Variants in ZC3H4 observed in about 807,000 individuals in gnomAD.
ZC3H4 encodes zinc finger CCCH-type containing 4.
Under a neutral mutation model 108.3 loss-of-function variants are expected in ZC3H4, and 13 were observed. The ratio of observed to expected loss-of-function variants is 0.12; its 90% CI spans 0.08 to 0.19. The LOEUF (loss-of-function observed/expected upper bound fraction) is 0.19. ZC3H4 is among the 10% of genes least tolerant of loss of function. The pLI, the probability that ZC3H4 is intolerant of heterozygous loss-of-function variation, is 1.00. For synonymous variants in ZC3H4, 917 were observed against 749.6 expected, an observed-to-expected ratio of 1.22 and a Z score of -3.65; for missense variants, 1,734 against 1,838.8, an observed-to-expected ratio of 0.94 and a Z score of 1.04.
chr19:47,098,240 A>C (rs977751526), intron 2 of ZC3H4, among the ~76,000 whole-genome samples: 42 of 152,244 alleles, frequency 2.8e-4, no homozygotes, highest in African/African-American at 9.9e-4. Flanking sequence ...GTGGTGGCTC[A>C]TGCCTTCGGG....
At chr19:47,074,602 A>G (rs2057385543) in intron 11 of ZC3H4, among the ~76,000 whole-genome samples, 1 of 152,224 alleles carries the variant, frequency 6.6e-6, no homozygotes, top group African/African-American at 2.4e-5. Flanking sequence ...GTCCAGTAAG[A>G]GGGGCTCACT....
chr19:47,070,774 G>A (rs536733625), intron 13 of ZC3H4, among the ~76,000 whole-genome samples: 32 of 152,186 alleles, frequency 2.1e-4, no homozygotes, highest in African/African-American at 4.6e-4. Context: ...CATGGCCGTC[G>A]GAGGGGCAGG....
intron 2 of ZC3H4, among the ~76,000 whole-genome samples, chr19:47,104,606 C>G (rs1025236541): frequency 6.6e-6 from 1 of 152,214 alleles, no homozygotes; most frequent in Non-Finnish European, 1.5e-5. Flanking sequence ...AACTTTGACA[C>G]AAACTCATTC....
chr19:47,070,295 TA>T (rs1281640245), intron 13 of ZC3H4, among the ~76,000 whole-genome samples: 1 of 152,162 alleles, frequency 6.6e-6, no homozygotes, highest in East Asian at 1.9e-4. Context: ...TAGCTTACAT[TA>T]ATTTCAACTT....
At chr19:47,092,991 C>T (rs1055478602) in intron 4 of ZC3H4, among the ~76,000 whole-genome samples, 1 of 151,834 alleles carries the variant, frequency 6.6e-6, no homozygotes, top group Non-Finnish European at 1.5e-5. Flanking sequence ...CCGAGGCAGG[C>T]GGATCACGAG....
At position 47,067,771 on chromosome 19, in the gene ZC3H4, G is replaced by A. The variant is rs1211357285; in HGVS notation, c.2497C>T (p.Pro833Ser). 11 of 1,609,256 alleles carry A rather than the reference G, an allele frequency of 6.8e-6. No homozygotes were observed. The highest frequency in any genetic ancestry group is 9.3e-6 in the Non-Finnish European group (11 of 1,178,722). Residue 833 changes from proline to serine, a missense_variant, in exon 15 of 15, where the codon CCG becomes TCG. By Grantham distance (74) the Pro-to-Ser change is moderately conservative. Coordinates refer to ENST00000253048, the MANE Select transcript of ZC3H4 (RefSeq NM_015168.2). This position sits in a 1 kb window ranked among gnomAD's most constrained non-coding sequence, Gnocchi z 6.4. ...CTGCTCAGCTCCCCAACTGAAGCCG[G>A]GGGTCGGCTGGACGTCTGCTGCCTC... Reference protein sequence around the residue: ...TLRQQTSSRPPASVGELSSSG... With the variant: ...TLRQQTSSRPSASVGELSSSG...
Position 47,066,884 on chromosome 19 carries a change from G to C in ZC3H4, c.3384C>G (p.Ala1128=). 1.9e-6 allele frequency: 3 copies of C among 1,598,178 alleles called. No homozygotes were observed. The highest frequency in any genetic ancestry group is 1.7e-6 in the Non-Finnish European group (2 of 1,178,558). ...CCCCTCCGCCCTGGCCCAGTCCACC[G>C]GCCGCCAGCACGCGGGGGTCGTAGG... The part of the protein sequence containing the change: ...TAPYDPRVLA[A]GGLGQGGGGG... Residue 1128 remains alanine (A), a synonymous_variant, in exon 15 of 15, where the codon GCC becomes GCG. Transcript: ENST00000253048.
rs972652784 is a variant in ZC3H4, at chr19:47,066,715, C to T, written c.3553G>A (p.Ala1185Thr). The T allele has an allele frequency of 1.2e-6, 2 of 1,608,086 alleles. No homozygotes were observed. The change falls in exon 15 of 15, where the codon GCT becomes ACT. Residue 1185 changes from alanine (A) to threonine (T), a missense_variant. Ala to Thr is a moderately conservative substitution (Grantham distance 58). Transcript: ENST00000253048. ...TTGCGGACGAACGGGGGCTCCTTAG[C>T]CTTGGAGGCCGAGCTCTTGCCATTG... is the stretch of plus-strand genomic sequence containing the variant. ...EGNGKSSASK[A>T]KEPPFVRKSA... is the part of the protein sequence containing the mutation.
chr19:47,081,490 G>T (rs2057521839), intron 11 of ZC3H4, 23 bp downstream of exon 11: 3 of 1,607,434 alleles, frequency 1.9e-6, no homozygotes, highest in Non-Finnish European at 2.6e-6. Flanking sequence ...GTAGCCGGGG[G>T]CCCCGTTACC....
chr19:47,094,910 G>A (rs982290980), intron 2 of ZC3H4, among the ~76,000 whole-genome samples: 2 of 152,218 alleles, frequency 1.3e-5, no homozygotes, highest in Admixed American at 6.5e-5. Flanking sequence ...AGAAGAAACC[G>A]ACAAGGTGCT....
chr19:47,085,210 T>C lies in ZC3H4; in HGVS notation c.968-15A>G, dbSNP rs1031573803. On this transcript the variant is annotated splice_polypyrimidine_tract_variant and intron_variant, in intron 7 of 14. Transcript: ENST00000253048. ...TCGACTTAGCCCTGTGGAGGGGAGA[T>C]TGTGTGAAGACCTGCTGACCACCCC... 19 of 1,594,146 alleles carry C rather than the reference T, an allele frequency of 1.2e-5. No individual in the cohort carries two copies. Among genetic ancestry groups the C allele is most frequent in the Non-Finnish European group, 1.4e-5 (16 of 1,166,544 alleles).
At chr19:47,097,106 A>C (rs761992970) in intron 2 of ZC3H4, 65 of 604,764 alleles carry the variant, frequency 1.1e-4, no homozygotes, top group Non-Finnish European at 1.3e-4. Flanking sequence ...TCTAGAAAGG[A>C]ATCACCAAGG....
At chr19:47,084,736 AGAGGT>A (rs1478168349) in intron 8 of ZC3H4, among the ~76,000 whole-genome samples, 1 of 152,216 alleles carries the variant, frequency 6.6e-6, no homozygotes, top group Non-Finnish European at 1.5e-5. Flanking sequence ...CACCACACCC[AGAGGT>A]GGTGGCATGG....
chr19:47,086,426 G>A lies in ZC3H4; in HGVS notation c.828C>T (p.Asp276=), dbSNP rs1366384763. Residue 276 remains aspartate (D), a synonymous_variant, in exon 6 of 15, where the codon GAC becomes GAT. Transcript: ENST00000253048. ...RGRGRGSMGG[D]HPEDEEDFYE... is the part of the protein sequence containing the mutation. ...AGAAATCCTCTTCATCCTCCGGGTG[G>A]TCTCCTCCCATAGAGCCTCTGCCCC... 1.2e-6 allele frequency: 2 copies of A among 1,613,174 alleles called. No individual in the cohort carries two copies. Among genetic ancestry groups the A allele is most frequent in the Non-Finnish European group, 1.7e-6 (2 of 1,179,838 alleles).
intron 13 of ZC3H4, among the ~76,000 whole-genome samples, chr19:47,070,465 A>C (rs540389311): frequency 5.6e-4 from 85 of 152,102 alleles, no homozygotes; most frequent in Non-Finnish European, 1.1e-3. Flanking sequence ...GGATTTTATG[A>C]AATGGGATTA....
intron 11 of ZC3H4, among the ~76,000 whole-genome samples, chr19:47,073,802 C>T (rs973299397): frequency 9.2e-5 from 14 of 152,208 alleles, no homozygotes; most frequent in African/African-American, 3.1e-4. Context: ...CAGACTCATG[C>T]GCTGTGTGCG....
Position 47,067,144 on chromosome 19 carries a change from C to T in ZC3H4, c.3124G>A (p.Asp1042Asn), listed in dbSNP as rs762754770. 6.2e-6 allele frequency: 10 copies of T among 1,611,892 alleles called. No individual in the cohort carries two copies. Among genetic ancestry groups the T allele is most frequent in the African/African-American group, 1.3e-5 (1 of 74,996 alleles). Residue 1042 changes from aspartate (D) to asparagine (N), a missense_variant, in exon 15 of 15, where the codon GAC (aspartate) becomes AAC (asparagine). Transcript: ENST00000253048. The surrounding 1 kb of genome is among the most constrained non-coding windows in gnomAD (Gnocchi z 6.4). ...DSSTQGANLP[D>N]FELLSRILKT... ...AGGATGCGAGACAGAAGTTCAAAGTCGGGGAGGTTGGCGCCCTGTGTGCTG... is the reference window on the plus strand; with the variant it reads ...AGGATGCGAGACAGAAGTTCAAAGTTGGGGAGGTTGGCGCCCTGTGTGCTG...
At chr19:47,105,326 C>T (rs563727779) in intron 2 of ZC3H4, among the ~76,000 whole-genome samples, 247 of 152,254 alleles carry the variant, frequency 1.6e-3, no homozygotes, top group Non-Finnish European at 2.5e-3. Context: ...ACTGGCCAGG[C>T]GCGGTGGCTC....
rs745630623 is a variant in ZC3H4, at chr19:47,094,452, T to C, written c.318A>G (p.Lys106=). The C allele has an allele frequency of 3.7e-6, 6 of 1,614,218 alleles. No homozygotes were observed. The South Asian group carries it at 6.6e-5, about 18-fold the overall frequency. ...TCTCTTTCTCCCGCTCTTTCTTCCG[T>C]TTCCGCTTCAGTCTCCTGTGGGACT... ...EEKSHRRLKR[K]RKKEREKEKR... The change falls in exon 3 of 15, where the codon AAA becomes AAG. Residue 106 remains lysine (K), a synonymous_variant. Coordinates refer to ENST00000253048, the MANE Select transcript of ZC3H4 (RefSeq NM_015168.2).
Sources: gnomAD v4.1 joint callset for allele counts (sites outside exome capture counted in the v4.1 genomes callset) on GRCh38, gnomAD v4.1.1 for gene constraint, Gnocchi (gnomAD v3.1) non-coding constraint, MANE v1.5 for transcripts, NCBI Gene and HGNC (gene_info 2026-07-23, HGNC 2026-07-21) for gene names.